The following ZNF510 variants were observed in gnomAD, a reference collection of about 807,000 sequenced individuals.
The protein encoded by ZNF510 is zinc finger protein 510.
In ZNF510, 15 loss-of-function variants were observed where a neutral mutation model predicts 18.1. The observed-to-expected ratio is 0.83, with a 90% CI of 0.55 to 1.28. The LOEUF (loss-of-function observed/expected upper bound fraction) is 1.28. Ranked by LOEUF, ZNF510 falls within the 50% of genes most tolerant of loss-of-function variation. The pLI is 0.00. For missense variants in ZNF510, 724 were observed against 791.8 expected (o/e 0.91, Z 1.03); for synonymous variants, 261 against 266.4 (o/e 0.98, Z 0.20).
At chr9:96,761,160 G>C (rs375810506) in intron 5 of ZNF510, among the ~76,000 whole-genome samples, 1 of 152,160 alleles carries the variant, frequency 6.6e-6, no homozygotes, top group East Asian at 1.9e-4. Context: ...AACTAACTTA[G>C]ATGCACTGCT....
chr9:96,775,773 A>G (rs1010801395), intron 2 of ZNF510, among the ~76,000 whole-genome samples: 3 of 152,224 alleles, frequency 2.0e-5, no homozygotes, highest in Admixed American at 1.3e-4. Context: ...CAACCTTAGT[A>G]AATTTCTAGA....
At position 96,757,615 on chromosome 9, in the gene ZNF510, T is replaced by TTAAC. The variant is rs1849227906; in HGVS notation, c.*1159_*1162dup. The TTAAC allele has an allele frequency of 6.6e-6, 1 of 152,246 alleles. No individual in the cohort carries two copies. 9.4% of individuals were successfully genotyped at this position (152,246 alleles called of 1,614,324 possible). ...CTCAACAGAATACAGTAGTCCCTGC[T>TTAAC]TAACTACAAGGAATGCTCTCCAAGA... On this transcript the variant is annotated 3_prime_UTR_variant, in exon 6 of 6. Transcript: ENST00000223428.
At chr9:96,775,359 C>T (rs184264510) in intron 2 of ZNF510, among the ~76,000 whole-genome samples, 36 of 152,092 alleles carry the variant, frequency 2.4e-4, no homozygotes, top group Admixed American at 2.0e-3. Flanking sequence ...CAGGCCTGGC[C>T]CCTTGCTGTT....
At chr9:96,767,679 GA>G (rs1055861841) in intron 3 of ZNF510, among the ~76,000 whole-genome samples, 28 of 152,150 alleles carry the variant, frequency 1.8e-4, no homozygotes, top group African/African-American at 6.7e-4. Flanking sequence ...GACTCAAAAA[GA>G]AACAGAACAT....
At chr9:96,765,286 AATT>A (rs375078475) in intron 3 of ZNF510, among the ~76,000 whole-genome samples, 1 of 152,114 alleles carries the variant, frequency 6.6e-6, no homozygotes. Context: ...CACACACTAA[AATT>A]ATTTGCAACC....
rs142383816 is a variant in ZNF510, at chr9:96,756,664, T to G, written c.*2114A>C. 2.6e-4 allele frequency: 40 copies of G among 152,272 alleles called. No individual in the cohort carries two copies. The highest frequency in any genetic ancestry group is 9.4e-4 in the African/African-American group (39 of 41,532). The allele number at this position is 152,272 out of a possible 1,614,324, so 9.4% of individuals were successfully genotyped here. A position where few individuals can be genotyped will look rare whatever the true frequency, so the allele number is the denominator to read the frequency against. ...CAGAACCCTCTACCCAAGGAAGAGA[T>G]ATCCAATGTGTAAAAGAGCCCAAGA... On this transcript the variant is annotated 3_prime_UTR_variant, in exon 6 of 6. Transcript: ENST00000223428.
rs759684767 is a variant in ZNF510, at chr9:96,759,645, T to C, written c.1185A>G (p.Arg395=). 4.5e-5 allele frequency: 73 copies of C among 1,613,614 alleles called. No individual in the cohort carries two copies. Among genetic ancestry groups the C allele is most frequent in the Non-Finnish European group, 5.8e-5 (69 of 1,179,976 alleles). ...AGGGTTTCATCATTGAGTGACTTCT[T>C]CGGCGAACTCTGTGAACCGACGTCT... is the stretch of plus-strand genomic sequence containing the variant. ...SYQTSVHRVR[R]RSHSMMKPYK... The change falls in exon 6 of 6, where the codon CGA becomes CGG. Residue 395 remains arginine, a synonymous_variant. Transcript: ENST00000223428.
chr9:96,760,288 A>C lies in ZNF510; in HGVS notation c.542T>G (p.Val181Gly). The change falls in exon 6 of 6, where the codon GTG becomes GGG. Residue 181 changes from valine (V) to glycine (G), a missense_variant. Coordinates refer to ENST00000223428, the MANE Select transcript of ZNF510 (RefSeq NM_014930.3). Reference sequence around the variant, plus strand: ...AAATTCAGAAATACTTTGCAAATTCACTTCCCATGAGTTGCATTTGCAGGA... The same window carrying C: ...AAATTCAGAAATACTTTGCAAATTCCCTTCCCATGAGTTGCATTTGCAGGA... ...KMSCKCNSWE[V>G]NLQSISEFII... 1 of 1,613,392 alleles carries C rather than the reference A, an allele frequency of 6.2e-7. No individual in the cohort carries two copies. Among genetic ancestry groups the C allele is most frequent in the Non-Finnish European group, 8.5e-7 (1 of 1,179,596 alleles).
Position 96,759,857 on chromosome 9 carries a change from C to T in ZNF510, c.973G>A (p.Glu325Lys), listed in dbSNP as rs1163599504. ...ATACCCATATTAAGTTTATTATATTCCTCCACAGTTGACTTCTCAAAGGAT... is the reference window on the plus strand; with the variant it reads ...ATACCCATATTAAGTTTATTATATTTCTCCACAGTTGACTTCTCAAAGGAT... ...GKSFEKSTVE[E>K]YNKLNMGIKH... Residue 325 changes from glutamate (E) to lysine (K), a missense_variant, in exon 6 of 6, where the codon GAA becomes AAA. Physicochemically the swap from Glu to Lys is moderately conservative, Grantham distance 56. Transcript: ENST00000223428. 6.2e-7 allele frequency: 1 copy of T among 1,613,400 alleles called. No individual in the cohort carries two copies. Among genetic ancestry groups the T allele is most frequent in the Middle Eastern group, 1.6e-4 (1 of 6,062 alleles).
chr9:96,763,248 A>C lies in ZNF510; in HGVS notation c.257-35T>G, dbSNP rs1423861897. The stretch of plus-strand genomic sequence containing the variant: ...AAACACAATCGAGGACTTAGACCAG[A>C]TATATGAGATTTTAGTCTCCAAAAG... On this transcript the variant is annotated intron_variant, in intron 4 of 5. Coordinates refer to ENST00000223428, the MANE Select transcript of ZNF510 (RefSeq NM_014930.3). 4.4e-6 allele frequency: 7 copies of C among 1,599,502 alleles called. No individual in the cohort carries two copies. The East Asian group carries it at 1.6e-4, about 36-fold the overall frequency.
Position 96,760,106 on chromosome 9 carries a change from G to C in ZNF510, c.724C>G (p.Pro242Ala), listed in dbSNP as rs765134496. The C allele has an allele frequency of 1.2e-6, 2 of 1,608,560 alleles. No individual in the cohort carries two copies. The highest frequency in any genetic ancestry group is 1.7e-5 in the Admixed American group (1 of 58,934). The stretch of plus-strand genomic sequence containing the variant: ...AAAGTTTGAAACTTTGGATGCTTGG[G>C]AAGATTTTCATTATAATTGAGAGCT... ...MKALNYNENL[P>A]KHPKFQTLEQ... The change falls in exon 6 of 6, where the codon CCC becomes GCC. Residue 242 changes from proline to alanine, a missense_variant. By Grantham distance (27) the Pro-to-Ala change is conservative (BLOSUM62 -1). Coordinates refer to ENST00000223428, the MANE Select transcript of ZNF510 (RefSeq NM_014930.3).
chr9:96,777,016 TTAAAA>T (rs1849717769), intron 1 of ZNF510, among the ~76,000 whole-genome samples: 1 of 152,232 alleles, frequency 6.6e-6, no homozygotes, highest in South Asian at 2.1e-4. Context: ...CAGTATGTTC[TTAAAA>T]TTAATTTCAT....
At position 96,774,823 on chromosome 9, in the gene ZNF510, G is replaced by C. The variant is rs748614843; in HGVS notation, c.94C>G (p.Leu32Val). 1 of 1,614,060 alleles carries C rather than the reference G, an allele frequency of 6.2e-7. No individual in the cohort carries two copies. The highest frequency in any genetic ancestry group is 8.5e-7 in the Non-Finnish European group (1 of 1,179,994). Residue 32 changes from leucine to valine, a missense_variant, in exon 3 of 6, where the codon CTC (leucine) becomes GTC (valine). By Grantham distance (32) the Leu-to-Val change is conservative. Transcript: ENST00000223428. ...TTCATTTTCTGCTGCTCCTGAAAGAGTGTGGAGAACCGTAAAGGATAACCT... is the reference window on the plus strand; with the variant it reads ...TTCATTTTCTGCTGCTCCTGAAAGACTGTGGAGAACCGTAAAGGATAACCT... ...EGGYPLRFST[L>V]FQEQQKMNIS... is the part of the protein sequence containing the mutation.
At chr9:96,777,990 C>T (rs1340268299) in intron 1 of ZNF510, 44 bp downstream of exon 1, 5 of 152,374 alleles carry the variant, frequency 3.3e-5, no homozygotes, top group Non-Finnish European at 4.4e-5. Flanking sequence ...TAGCACATCC[C>T]TCCCTGCAGG....
Position 96,754,587 on chromosome 9 carries a change from T to C in ZNF510, c.*4191A>G, listed in dbSNP as rs764962996. Among the ~76,000 whole-genome samples the C allele has an allele frequency of 1.3e-5, 2 of 152,164 alleles. No individual in the cohort carries two copies. Among genetic ancestry groups the C allele is most frequent in the African/African-American group, 2.4e-5 (1 of 41,438 alleles). Reference sequence around the variant, plus strand: ...GGAATCTCAATTTATTGAAAATACATGTTTTGGTTGACAAAGATCTGAAGA... The same window carrying C: ...GGAATCTCAATTTATTGAAAATACACGTTTTGGTTGACAAAGATCTGAAGA... On this transcript the variant is annotated 3_prime_UTR_variant, in exon 6 of 6. Coordinates refer to ENST00000223428, the MANE Select transcript of ZNF510 (RefSeq NM_014930.3).
Position 96,759,265 on chromosome 9 carries a change from C to G in ZNF510, c.1565G>C (p.Gly522Ala), listed in dbSNP as rs1284224999. ...GEKSFQCNQCGKTFGQKSNLR... is the reference protein window; with the variant it reads ...GEKSFQCNQCAKTFGQKSNLR... ...GTTTGACTTCTGGCCAAATGTTTTT[C>G]CACATTGATTGCATTGAAAGGATTT... is the stretch of plus-strand genomic sequence containing the variant. The change falls in exon 6 of 6, where the codon GGA becomes GCA. Residue 522 changes from glycine to alanine, a missense_variant. By Grantham distance (60) the Gly-to-Ala change is moderately conservative. Coordinates refer to ENST00000223428, the MANE Select transcript of ZNF510 (RefSeq NM_014930.3). 3.2e-5 allele frequency: 52 copies of G among 1,613,840 alleles called. No individual in the cohort carries two copies. The highest frequency in any genetic ancestry group is 4.3e-5 in the Non-Finnish European group (51 of 1,180,002).
At chr9:96,775,391 T>C (rs1055863358) in intron 2 of ZNF510, among the ~76,000 whole-genome samples, 1 of 152,176 alleles carries the variant, frequency 6.6e-6, no homozygotes, top group East Asian at 1.9e-4. Context: ...GATTGTAGAC[T>C]ATTTTCCTAT....
At chr9:96,771,431 T>TAAAAAAAAA (rs1564441028) in intron 3 of ZNF510, among the ~76,000 whole-genome samples, 3 of 146,988 alleles carry the variant, frequency 2.0e-5, no homozygotes, top group African/African-American at 7.5e-5. Flanking sequence ...TCATGCATGA[T>TAAAAAAAAA]TAAAAAAAAA....
chr9:96,765,919 G>T (rs1849459801), intron 3 of ZNF510, among the ~76,000 whole-genome samples: 1 of 152,140 alleles, frequency 6.6e-6, no homozygotes, highest in South Asian at 2.1e-4. Context: ...ATCTATGTTA[G>T]ATAAGATTCA....
Sources: gnomAD v4.1 joint callset for allele counts (sites outside exome capture counted in the v4.1 genomes callset) on GRCh38, gnomAD v4.1.1 for gene constraint, MANE v1.5 for transcripts, NCBI Gene and HGNC (gene_info 2026-07-23, HGNC 2026-07-21) for gene names.